The following ZNF474 variants were observed in gnomAD, a reference collection of about 807,000 sequenced individuals.
The protein encoded by ZNF474 is zinc finger protein 474, also known as 4933409D10Rik.
For missense variants in ZNF474, 511 were observed against 433.8 expected, an observed-to-expected ratio of 1.18 and a Z score of -1.58; for synonymous variants, 192 against 162.2, an observed-to-expected ratio of 1.18 and a Z score of -1.39.
rs2152607585 is a variant in ZNF474, at chr5:122,153,348, A to T, written c.*263A>T. On this transcript the variant is annotated 3_prime_UTR_variant, in exon 2 of 2. Transcript: ENST00000296600. ...GATACAAATAATCCCTGGGAGAGAC[A>T]GTAATTTGAAAATGAGTCATTAATG... 1 of 427,674 alleles carries T rather than the reference A, an allele frequency of 2.3e-6. No homozygotes were observed. Among genetic ancestry groups the T allele is most frequent in the Non-Finnish European group, 4.2e-6 (1 of 235,564 alleles). The allele number at this position is 427,674 out of a possible 1,614,324, so 26.5% of individuals were successfully genotyped here.
chr5:122,130,833 C>T (rs939648334), intron 1 of ZNF474, among the ~76,000 whole-genome samples: 18 of 152,102 alleles, frequency 1.2e-4, no homozygotes, highest in African/African-American at 4.3e-4. Flanking sequence ...CACATAGTTA[C>T]CTTTTTTTGG....
chr5:122,142,648 G>T (rs1329720532), intron 1 of ZNF474, among the ~76,000 whole-genome samples: 1 of 152,100 alleles, frequency 6.6e-6, no homozygotes, highest in African/African-American at 2.4e-5. Flanking sequence ...GAATTTGTAG[G>T]GCTGAGGATT....
At chr5:122,151,705 ATGTG>A (rs145270704) in intron 1 of ZNF474, 70 bp from the exon 2 acceptor site, 457 of 205,598 alleles carry the variant, frequency 2.2e-3, no homozygotes, top group South Asian at 4.9e-3. Context: ...AACAACCTAA[ATGTG>A]TGTGTGTGTG....
rs1289269900 is a variant in ZNF474, at chr5:122,153,544, T to G, written c.*459T>G. On this transcript the variant is annotated 3_prime_UTR_variant, in exon 2 of 2. Coordinates refer to ENST00000296600, the MANE Select transcript of ZNF474 (RefSeq NM_207317.3). Reference sequence around the variant, plus strand: ...AACCCCCAATGACTTTAGCAACAATTAAACACTGAAGCACTTGCAAAAATA... The same window carrying G: ...AACCCCCAATGACTTTAGCAACAATGAAACACTGAAGCACTTGCAAAAATA... 5.8e-6 allele frequency: 1 copy of G among 173,358 alleles called. No homozygotes were observed. Among genetic ancestry groups the G allele is most frequent in the Non-Finnish European group, 1.4e-5 (1 of 72,400 alleles). The allele number at this position is 173,358 out of a possible 1,614,324, so 10.7% of individuals were successfully genotyped here. A position where few individuals can be genotyped will look rare whatever the true frequency, so the allele number is the denominator to read the frequency against.
At chr5:122,147,771 C>G (rs1425804446) in intron 1 of ZNF474, 2 of 152,190 alleles carry the variant, frequency 1.3e-5, no homozygotes, top group Non-Finnish European at 1.5e-5. Flanking sequence ...TCTGTTCCCT[C>G]TCTTTTAGAG....
chr5:122,136,224 G>T (rs1052178948), intron 1 of ZNF474, among the ~76,000 whole-genome samples: 30 of 152,034 alleles, frequency 2.0e-4, no homozygotes, highest in African/African-American at 6.8e-4. Flanking sequence ...ATTACATGTT[G>T]TATGCTTATA....
chr5:122,142,071 G>T (rs1253197080), intron 1 of ZNF474, among the ~76,000 whole-genome samples: 1 of 152,196 alleles, frequency 6.6e-6, no homozygotes, highest in Non-Finnish European at 1.5e-5. Context: ...CAGCCAAATG[G>T]AAAATCCAGA....
At chr5:122,146,441 A>G (rs976828241) in intron 1 of ZNF474, among the ~76,000 whole-genome samples, 2 of 152,170 alleles carry the variant, frequency 1.3e-5, no homozygotes, top group African/African-American at 4.8e-5. Context: ...TCCAGTATTT[A>G]TAGTATCAAT....
At chr5:122,139,948 G>A (rs1188313590) in intron 1 of ZNF474, among the ~76,000 whole-genome samples, 1 of 152,150 alleles carries the variant, frequency 6.6e-6, no homozygotes, top group Non-Finnish European at 1.5e-5. Flanking sequence ...AAAGGTAAAG[G>A]AGAAGAGTGA....
chr5:122,135,078 A>C (rs1438625322), intron 1 of ZNF474, among the ~76,000 whole-genome samples: 1 of 152,234 alleles, frequency 6.6e-6, no homozygotes, highest in Non-Finnish European at 1.5e-5. Context: ...AAATTGGAGA[A>C]AATATTTGCA....
At chr5:122,143,164 T>C (rs981716850) in intron 1 of ZNF474, among the ~76,000 whole-genome samples, 1 of 152,106 alleles carries the variant, frequency 6.6e-6, no homozygotes, top group East Asian at 1.9e-4. Context: ...GAGTGATGTA[T>C]CAGAAAGGTT....
chr5:122,152,676 A>C lies in ZNF474; in HGVS notation c.686A>C (p.Lys229Thr), dbSNP rs371063654. ...PRTVICYICG[K>T]EFGTLSLPIH... ...ACTGTTATCTGCTACATATGTGGTA[A>C]GGAATTTGGCACCCTGTCCCTTCCT... Residue 229 changes from lysine (K) to threonine (T), a missense_variant, in exon 2 of 2, where the codon AAG becomes ACG. By Grantham distance (78) the Lys-to-Thr change is moderately conservative. Transcript: ENST00000296600. 1.9e-6 allele frequency: 3 copies of C among 1,614,164 alleles called. No homozygotes were observed. Among genetic ancestry groups the C allele is most frequent in the Non-Finnish European group, 2.5e-6 (3 of 1,180,024 alleles).
intron 1 of ZNF474, among the ~76,000 whole-genome samples, chr5:122,134,561 T>C (rs1755654025): frequency 6.6e-6 from 1 of 152,130 alleles, no homozygotes. Flanking sequence ...ACGACAAACA[T>C]AAATGAATAA....
At chr5:122,130,244 A>C (rs1755545655) in intron 1 of ZNF474, among the ~76,000 whole-genome samples, 1 of 152,150 alleles carries the variant, frequency 6.6e-6, no homozygotes, top group Non-Finnish European at 1.5e-5. Flanking sequence ...TTCTAAAATC[A>C]ATGAGTTTAA....
intron 1 of ZNF474, among the ~76,000 whole-genome samples, chr5:122,137,446 C>CAAA (rs1166694085): frequency 0.041 from 475 of 11,608 alleles, 128 homozygotes; most frequent in Non-Finnish European, 0.051. Flanking sequence ...GACTCTGTCT[C>CAAA]AAAAAAAAAA....
intron 1 of ZNF474, among the ~76,000 whole-genome samples, chr5:122,133,819 C>T (rs1042923877): frequency 9.2e-5 from 14 of 152,202 alleles, no homozygotes; most frequent in African/African-American, 3.4e-4. Flanking sequence ...CCCTGGTTCC[C>T]AAAATGCTGA....
At chr5:122,130,883 T>C (rs1364404084) in intron 1 of ZNF474, among the ~76,000 whole-genome samples, 1 of 152,110 alleles carries the variant, frequency 6.6e-6, no homozygotes, top group Non-Finnish European at 1.5e-5. Context: ...CTTAACACAT[T>C]TCAATTATTA....
intron 1 of ZNF474, among the ~76,000 whole-genome samples, chr5:122,147,659 A>G (rs975565778): frequency 2.0e-5 from 3 of 152,104 alleles, no homozygotes; most frequent in African/African-American, 7.2e-5. Flanking sequence ...TCTGCTCAGA[A>G]TGATGGTTTC....
rs191200202 is a variant in ZNF474, at chr5:122,139,125, G to A, written c.-213+9442G>A. 1.2e-3 allele frequency among the ~76,000 whole-genome samples: 184 copies of A among 152,210 alleles called. 1 individual carries two copies. The highest frequency in any genetic ancestry group is 2.6e-3 in the Admixed American group (39 of 15,290). On this transcript the variant is annotated intron_variant, in intron 1 of 1. Transcript: ENST00000296600. ...GTTCCAAGTGAACCATCTTATATAT[G>A]AAACATATGACATTTCAATCAACAA...
Sources: allele counts gnomAD v4.1 joint callset (sites outside exome capture counted in the v4.1 genomes callset), GRCh38; gene constraint gnomAD v4.1.1; transcripts MANE v1.5; gene names NCBI Gene and HGNC (gene_info 2026-07-23, HGNC 2026-07-21).